PZP: variants seen among roughly 807,000 people sequenced by gnomAD.
PZP encodes the protein PZP alpha-2-macroglobulin like, also known as pregnancy zone protein.
In PZP, 150 loss-of-function variants were observed where a neutral mutation model predicts 179.8. That is an observed-to-expected ratio of 0.83 (90% CI 0.73 to 0.96). The LOEUF is 0.96. PZP is among the 40% of genes least tolerant of loss of function. PZP has a pLI of 0.00. For missense variants in PZP, 1,689 were observed against 1,764.0 expected, an observed-to-expected ratio of 0.96 and a Z score of 0.76; for synonymous variants, 624 against 652.3, an observed-to-expected ratio of 0.96 and a Z score of 0.66.
At chr12:9,189,573 C>T (rs760315434) in intron 13 of PZP, among the ~76,000 whole-genome samples, 5 of 152,226 alleles carry the variant, frequency 3.3e-5, no homozygotes, top group Admixed American at 2.6e-4. Flanking sequence ...ATTCTGGACA[C>T]AGGAACTGCA....
intron 15 of PZP, among the ~76,000 whole-genome samples, chr12:9,180,779 C>G (rs1942705793): frequency 6.6e-6 from 1 of 152,218 alleles, no homozygotes; most frequent in Non-Finnish European, 1.5e-5. Context: ...GCAATGGCAA[C>G]AAAAGACAAA....
chr12:9,190,955 G>T (rs1943425904), intron 13 of PZP, among the ~76,000 whole-genome samples: 1 of 152,112 alleles, frequency 6.6e-6, no homozygotes, highest in Non-Finnish European at 1.5e-5. Flanking sequence ...ATTCTTTGGT[G>T]AAGAGTAAAT....
intron 17 of PZP, chr12:9,166,933 A>G (rs1008926077): frequency 6.6e-6 from 1 of 152,220 alleles, no homozygotes; most frequent in African/African-American, 2.4e-5. Context: ...ATCTCCCTCC[A>G]TGTATCCCAT....
chr12:9,201,956 A>G (rs1944186196), intron 4 of PZP, among the ~76,000 whole-genome samples: 1 of 152,142 alleles, frequency 6.6e-6, no homozygotes, highest in Non-Finnish European at 1.5e-5. Context: ...GGTCTATTGT[A>G]TATACCTATA....
chr12:9,202,178 C>T, intron 4 of PZP, 141 bp downstream of exon 4: 2 of 731,700 alleles, frequency 2.7e-6, no homozygotes, highest in Non-Finnish European at 4.5e-6. Context: ...TTGTATAAGA[C>T]TGCAAATCTG....
At chr12:9,199,984 G>A (rs1342952127) in intron 7 of PZP, among the ~76,000 whole-genome samples, 2 of 152,138 alleles carry the variant, frequency 1.3e-5, no homozygotes, top group African/African-American at 4.8e-5. Flanking sequence ...CTGTAAACTT[G>A]CAATTAGTTT....
chr12:9,158,732 C>T lies in PZP; in HGVS notation c.3138-156G>A, dbSNP rs770448984. Reference sequence around the variant, plus strand: ...GACTTTTTCTTTTTAGCTTAGACATCTCTTTTTCTTTTTTCTTTTCTTTTC... The same window carrying T: ...GACTTTTTCTTTTTAGCTTAGACATTTCTTTTTCTTTTTTCTTTTCTTTTC... On this transcript the variant is annotated intron_variant, in intron 25 of 35. Coordinates refer to ENST00000261336, the MANE Select transcript of PZP (RefSeq NM_002864.3). Among the ~76,000 whole-genome samples the T allele has an allele frequency of 2.7e-5, 4 of 145,786 alleles. No homozygotes were observed. In the South Asian group the frequency reaches 8.8e-4, roughly 32 times the overall value.
chr12:9,180,653 GA>G (rs1942697408), intron 15 of PZP, among the ~76,000 whole-genome samples: 1 of 152,200 alleles, frequency 6.6e-6, no homozygotes, highest in Non-Finnish European at 1.5e-5. Flanking sequence ...ATCAATTCAA[GA>G]TGGATTAAAG....
rs200458490 is a variant in PZP, at chr12:9,158,752, C to CTTTTTT, written c.3138-177_3138-176insAAAAAA. On this transcript the variant is annotated intron_variant, in intron 25 of 35. Coordinates refer to ENST00000261336, the MANE Select transcript of PZP (RefSeq NM_002864.3). ...GACATCTCTTTTTCTTTTTTCTTTTCTTTTCTTTTTTTTTTTTTTTTTGCT... is the reference window on the plus strand; with the variant it reads ...GACATCTCTTTTTCTTTTTTCTTTTCTTTTTTTTTTCTTTTTTTTTTTTTTTTTGCT... Among the ~76,000 whole-genome samples, 719 of 97,464 alleles carry CTTTTTT rather than the reference C, an allele frequency of 7.4e-3. 2 individuals carry two copies. Among genetic ancestry groups the CTTTTTT allele is most frequent in the Middle Eastern group, 0.015 (2 of 136 alleles). 63.9% of individuals were successfully genotyped at this position (97,464 alleles called of 152,430 possible). A position where few individuals can be genotyped will look rare whatever the true frequency, so the allele number is the denominator to read the frequency against.
downstream of PZP, chr12:9,148,788 C>T (rs1258425518): frequency 1.6e-5 from 9 of 573,364 alleles, no homozygotes; most frequent in Admixed American, 1.0e-4. Flanking sequence ...GAATATAACT[C>T]ATCATGTGAA....
chr12:9,158,648 G>C (rs1191877235), intron 25 of PZP, 72 bp from the exon 26 acceptor site: 2 of 1,479,490 alleles, frequency 1.4e-6, no homozygotes, highest in Non-Finnish European at 1.8e-6. Context: ...TGTACACACA[G>C]GCTCCCCCAT....
downstream of PZP, among the ~76,000 whole-genome samples, chr12:9,146,414 T>C (rs934816436): frequency 7.9e-5 from 12 of 152,172 alleles, no homozygotes; most frequent in African/African-American, 2.7e-4. Context: ...TCACTGCTCA[T>C]ACATTGTTCT....
Position 9,201,024 on chromosome 12 carries a change from G to C in PZP, c.538C>G (p.Leu180Val). The change falls in exon 6 of 36, where the codon CTC becomes GTC. Residue 180 changes from leucine to valine, a missense_variant. By Grantham distance (32) the Leu-to-Val change is conservative. Around this residue, in one of 3 missense-constraint regions of PZP, gnomAD observed 742 missense variants for 730.5 expected, o/e 1.02. Coordinates refer to ENST00000261336, the MANE Select transcript of PZP (RefSeq NM_002864.3). ...RRNRIAQWQS[L>V]KLEAGINQLS... ...TGATTGATGCCAGCTTCTAGCTTGA[G>C]ACTCTGCCATTGTGCAATTCGATTT... 6.2e-7 allele frequency: 1 copy of C among 1,614,102 alleles called. No individual in the cohort carries two copies. The highest frequency in any genetic ancestry group is 8.5e-7 in the Non-Finnish European group (1 of 1,179,972).
At chr12:9,159,795 C>G in intron 25 of PZP, 143 bp downstream of exon 25, 1 of 724,024 alleles carries the variant, frequency 1.4e-6, no homozygotes, top group Non-Finnish European at 2.2e-6. Context: ...GCCTTCATAG[C>G]TATAAGAAAT....
intron 34 of PZP, among the ~76,000 whole-genome samples, chr12:9,149,947 G>C (rs1940223129): frequency 6.6e-6 from 1 of 152,036 alleles, no homozygotes; most frequent in South Asian, 2.1e-4. Flanking sequence ...AAAGATTATT[G>C]TTCCAGCTTG....
chr12:9,166,056 C>T lies in PZP; in HGVS notation c.2254G>A (p.Val752Met). The T allele has an allele frequency of 6.2e-7, 1 of 1,604,384 alleles. No homozygotes were observed. ...PETWIWELVA[V>M]NSSGVAEVGV... ...GAGGAAAGTAAAGTTACTTACTTCA[C>T]TGCCACCAACTCCCAGATCCAAGTC... The change falls in exon 18 of 36, where the codon GTG becomes ATG. Residue 752 changes from valine (V) to methionine (M), a missense_variant. Coordinates refer to ENST00000261336, the MANE Select transcript of PZP (RefSeq NM_002864.3).
intron 1 of PZP, among the ~76,000 whole-genome samples, chr12:9,207,040 G>A (rs1215331462): frequency 7.2e-5 from 11 of 152,154 alleles, no homozygotes; most frequent in Admixed American, 3.3e-4. Flanking sequence ...TACCCCTACC[G>A]GTTGCCAGGA....
In PZP at chr12:9,182,067, T is replaced by TG. The variant is rs747402586; in HGVS notation, c.1596dup (p.Ile533HisfsTer20). On this transcript the variant is annotated frameshift_variant, in exon 14 of 36. Transcript: ENST00000261336. LOFTEE classifies it high-confidence loss of function. Reference sequence around the variant, plus strand: ...ATGGCAAAGATGAACATTCGTGCAATGGGGGCAACGTCTGACTCCACAGGG... The same window carrying TG: ...ATGGCAAAGATGAACATTCGTGCAATGGGGGGCAACGTCTGACTCCACAGGG... 8.7e-5 allele frequency: 141 copies of TG among 1,613,576 alleles called. No homozygotes were observed. Among genetic ancestry groups the TG allele is most frequent in the Admixed American group, 3.3e-5 (2 of 59,952 alleles).
At chr12:9,146,018 T>C (rs1162191201), downstream of PZP, among the ~76,000 whole-genome samples, 2 of 152,186 alleles carry the variant, frequency 1.3e-5, no homozygotes, top group Non-Finnish European at 1.5e-5. Flanking sequence ...GTGGATTTCA[T>C]TGGGTTCATC....
Sources: gnomAD v4.1 joint callset for allele counts (sites outside exome capture counted in the v4.1 genomes callset) on GRCh38, gnomAD v4.1.1 for gene constraint, gnomAD v4.1.1 regional missense constraint, MANE v1.5 for transcripts, NCBI Gene and HGNC (gene_info 2026-07-23, HGNC 2026-07-21) for gene names.